Variants in TM9SF3 observed in about 807,000 individuals in gnomAD.
TM9SF3 encodes the protein SM-11044-binding protein.
Under a neutral mutation model 78.6 loss-of-function variants are expected in TM9SF3, and 14 were observed. The ratio of observed to expected loss-of-function variants is 0.18; its 90% CI spans 0.12 to 0.28. The LOEUF (loss-of-function observed/expected upper bound fraction) is 0.28. Among genes scored for constraint, TM9SF3 ranks in the 10% least tolerant of loss-of-function variants. The pLI is 1.00. For synonymous variants in TM9SF3, 231 were observed against 241.7 expected, an observed-to-expected ratio of 0.96 and a Z score of 0.41; for missense variants, 496 against 721.9, an observed-to-expected ratio of 0.69 and a Z score of 3.59.
intron 5 of TM9SF3, among the ~76,000 whole-genome samples, chr10:96,558,650 A>G (rs931509054): frequency 1.1e-4 from 16 of 152,004 alleles, no homozygotes; most frequent in Non-Finnish European, 2.2e-4. Flanking sequence ...TGTCTCAAAA[A>G]AAAAAAAAAA....
At chr10:96,534,073 T>C (rs1589448100) in intron 9 of TM9SF3, among the ~76,000 whole-genome samples, 2 of 143,024 alleles carry the variant, frequency 1.4e-5, no homozygotes, top group Admixed American at 6.7e-5. Flanking sequence ...GAATGAAACA[T>C]GTGAAGACAC....
chr10:96,582,656 TA>T (rs1848584155), intron 1 of TM9SF3, among the ~76,000 whole-genome samples: 1 of 152,216 alleles, frequency 6.6e-6, no homozygotes, highest in African/African-American at 2.4e-5. Flanking sequence ...ATTCAACTTT[TA>T]AAAATTAAAA....
chr10:96,558,620 C>A (rs1848265458), intron 5 of TM9SF3, among the ~76,000 whole-genome samples: 1 of 148,304 alleles, frequency 6.7e-6, no homozygotes, highest in Non-Finnish European at 1.5e-5. Context: ...CACTCCAGCC[C>A]AGGGGACAGA....
chr10:96,576,521 A>G, intron 2 of TM9SF3, 113 bp downstream of exon 2: 1 of 1,001,228 alleles, frequency 1.0e-6, no homozygotes, highest in African/African-American at 1.7e-5. Flanking sequence ...TAACATGTAC[A>G]TAACAGCTCC....
At chr10:96,546,438 TAA>T (rs1329706302) in intron 8 of TM9SF3, among the ~76,000 whole-genome samples, 3 of 152,226 alleles carry the variant, frequency 2.0e-5, no homozygotes, top group African/African-American at 7.2e-5. Flanking sequence ...CAACTTTAAA[TAA>T]ATTTCCTGTT....
At chr10:96,537,391 T>C (rs565700647) in intron 9 of TM9SF3, among the ~76,000 whole-genome samples, 1 of 152,262 alleles carries the variant, frequency 6.6e-6, no homozygotes, top group Non-Finnish European at 1.5e-5. Flanking sequence ...ATAGCCTAGG[T>C]TTGTAGGAGG....
chr10:96,528,111 C>A lies in TM9SF3; in HGVS notation c.1461G>T (p.Val487=). Residue 487 remains valine, a synonymous_variant, in exon 12 of 15, where the codon GTG becomes GTT. Transcript: ENST00000371142. The part of the protein sequence containing the change: ...IYYVYGFMML[V]LVILCIVTVC... ...CAGTCACAATGCACAGGATAACCAG[C>A]ACCAGCATCATGAAGCCATAGACAT... The A allele has an allele frequency of 6.2e-7, 1 of 1,612,916 alleles. No individual in the cohort carries two copies. Among genetic ancestry groups the A allele is most frequent in the Non-Finnish European group, 8.5e-7 (1 of 1,179,142 alleles).
intron 1 of TM9SF3, among the ~76,000 whole-genome samples, chr10:96,582,836 T>G (rs1848586608): frequency 6.6e-6 from 1 of 151,846 alleles, no homozygotes. Context: ...TCCCAGCACT[T>G]TGGGAGGCCG....
chr10:96,553,146 C>CA, intron 5 of TM9SF3, 87 bp from the exon 6 acceptor site: 1 of 1,282,846 alleles, frequency 7.8e-7, no homozygotes, highest in Non-Finnish European at 1.0e-6. Flanking sequence ...GATGTTAATG[C>CA]AAAGAAAAAA....
At chr10:96,526,957 T>A (rs1488269671) in intron 14 of TM9SF3, among the ~76,000 whole-genome samples, 3 of 152,030 alleles carry the variant, frequency 2.0e-5, no homozygotes, top group Non-Finnish European at 2.9e-5. Context: ...AAAAAGCCAA[T>A]TCTCAACATG....
intron 1 of TM9SF3, among the ~76,000 whole-genome samples, chr10:96,586,461 A>G (rs1222419164): frequency 6.6e-6 from 1 of 151,910 alleles, no homozygotes; most frequent in Non-Finnish European, 1.5e-5. Flanking sequence ...CCAGGGTCCC[A>G]GGAACCCCGA....
rs775012034 is a variant in TM9SF3 at position 96,528,020 on chromosome 10, T to C, written c.1541+11A>G. ...GGTTCCCCAAATTTCTATCCACAAA[T>C]AGGTACTTACCACCGGTAATCTTCT... On this transcript the variant is annotated intron_variant, in intron 12 of 14. Coordinates refer to ENST00000371142, the MANE Select transcript of TM9SF3 (RefSeq NM_020123.4). 2 of 1,603,510 alleles carry C rather than the reference T, an allele frequency of 1.2e-6. No homozygotes were observed. The highest frequency in any genetic ancestry group is 1.1e-5 in the South Asian group (1 of 88,644).
intron 9 of TM9SF3, among the ~76,000 whole-genome samples, chr10:96,537,465 C>A (rs1847972433): frequency 6.6e-6 from 1 of 152,126 alleles, no homozygotes; most frequent in Non-Finnish European, 1.5e-5. Context: ...AATTGTGTAA[C>A]AACTCATTTC....
chr10:96,559,665 T>C lies in TM9SF3; in HGVS notation c.654A>G (p.Gln218=), dbSNP rs753102000. 1.3e-6 allele frequency: 2 copies of C among 1,588,510 alleles called. No homozygotes were observed. Among genetic ancestry groups the C allele is most frequent in the South Asian group, 1.2e-5 (1 of 86,822 alleles). The part of the protein sequence containing the change: ...FDKYLDPSFF[Q]HRIHWFSIFN... Reference sequence around the variant, plus strand: ...AAATACACTATTTACCTACCCGATGTTGAAAAAAGGACGGATCAAGATATT... The same window carrying C: ...AAATACACTATTTACCTACCCGATGCTGAAAAAAGGACGGATCAAGATATT... The change falls in exon 5 of 15, where the codon CAA becomes CAG. Residue 218 remains glutamine (Q), a synonymous_variant. Transcript: ENST00000371142.
At chr10:96,575,521 A>G (rs1233642589) in intron 2 of TM9SF3, among the ~76,000 whole-genome samples, 3 of 152,134 alleles carry the variant, frequency 2.0e-5, no homozygotes, top group East Asian at 3.8e-4. Flanking sequence ...ACAATAACTG[A>G]GCAATTTTAA....
intron 2 of TM9SF3, among the ~76,000 whole-genome samples, chr10:96,573,466 C>T (rs185960600): frequency 3.9e-5 from 6 of 152,296 alleles, no homozygotes; most frequent in Non-Finnish European, 7.4e-5. Context: ...AATTTAGCAG[C>T]TTCTTTAGCA....
At chr10:96,565,478 A>G in intron 2 of TM9SF3, 52 bp from the exon 3 acceptor site, 1 of 1,497,458 alleles carries the variant, frequency 6.7e-7, no homozygotes, top group South Asian at 1.4e-5. Flanking sequence ...AAATAGTTAC[A>G]TTAAAAAAAA....
At chr10:96,565,570 G>A (rs1167963981) in intron 2 of TM9SF3, 144 bp from the exon 3 acceptor site, 1 of 900,536 alleles carries the variant, frequency 1.1e-6, no homozygotes, top group Non-Finnish European at 1.6e-6. Flanking sequence ...AATAAGTGTG[G>A]GTTCAGTGTA....
chr10:96,580,546 G>A (rs911749467), intron 1 of TM9SF3, among the ~76,000 whole-genome samples: 2 of 152,112 alleles, frequency 1.3e-5, no homozygotes, highest in African/African-American at 2.4e-5. Flanking sequence ...GATTACAGGC[G>A]TGAGCCACTG....
Sources: gnomAD v4.1 joint callset for allele counts (sites outside exome capture counted in the v4.1 genomes callset) on GRCh38, gnomAD v4.1.1 for gene constraint, MANE v1.5 for transcripts, NCBI Gene and HGNC (gene_info 2026-07-23, HGNC 2026-07-21) for gene names.